ZNF808: variants seen among roughly 807,000 people sequenced by gnomAD.
The protein encoded by ZNF808 is zinc finger protein 808.
ZNF808 carries 5 observed loss-of-function variants against 8.7 expected under a neutral mutation model. That is an observed-to-expected ratio of 0.58 (90% CI 0.30 to 1.21). The LOEUF (loss-of-function observed/expected upper bound fraction) is 1.21, where lower values mean the gene tolerates loss of function less well. ZNF808 is among the 50% of genes most tolerant of loss of function. The pLI is 0.07. For missense variants in ZNF808, 1,103 were observed against 1,098.4 expected (o/e 1.00, Z -0.06); for synonymous variants, 380 against 366.0 (o/e 1.04, Z -0.44).
rs2059797924 is a variant in ZNF808, at chr19:52,553,415, C to G, written c.499C>G (p.Leu167Val). The G allele has an allele frequency of 6.2e-7, 1 of 1,614,060 alleles. No homozygotes were observed. The highest frequency in any genetic ancestry group is 1.3e-5 in the African/African-American group (1 of 74,934). ...GSSFYSHLPE[L>V]HIFQIKGEIA... ...AAGCTTTTATTCACATCTGCCTGAA[C>G]TCCACATATTTCAGATCAAAGGTGA... Residue 167 changes from leucine (L) to valine (V), a missense_variant, in exon 5 of 5, where the codon CTC becomes GTC. Physicochemically the swap from Leu to Val is conservative, Grantham distance 32. Coordinates refer to ENST00000359798, the MANE Select transcript of ZNF808 (RefSeq NM_001039886.4).
chr19:52,552,509 T>C (rs2059787446), intron 4 of ZNF808, among the ~76,000 whole-genome samples: 1 of 151,900 alleles, frequency 6.6e-6, no homozygotes. Flanking sequence ...GCCTCCCGTG[T>C]TGAAGTGATT....
At chr19:52,537,648 A>C (rs994764091) in intron 2 of ZNF808, among the ~76,000 whole-genome samples, 13 of 151,348 alleles carry the variant, frequency 8.6e-5, no homozygotes, top group Non-Finnish European at 1.6e-4. Flanking sequence ...AGATCATGCC[A>C]CTGTACTCCA....
intron 2 of ZNF808, among the ~76,000 whole-genome samples, chr19:52,535,159 A>T (rs915734197): frequency 3.3e-5 from 5 of 151,248 alleles, no homozygotes; most frequent in Non-Finnish European, 5.9e-5. Flanking sequence ...GTGAAACCCC[A>T]TCTCTACTAA....
At chr19:52,565,613 CT>C (rs1218852437), downstream of ZNF808, among the ~76,000 whole-genome samples, 4 of 152,170 alleles carry the variant, frequency 2.6e-5, no homozygotes, top group African/African-American at 9.7e-5. Context: ...ACTACTTCCC[CT>C]GACCTATTTT....
At chr19:52,531,981 T>C (rs1412405887) in intron 1 of ZNF808, among the ~76,000 whole-genome samples, 1 of 152,190 alleles carries the variant, frequency 6.6e-6, no homozygotes, top group Non-Finnish European at 1.5e-5. Flanking sequence ...AAGTAGAAGT[T>C]GTGGCTTTTT....
intron 2 of ZNF808, among the ~76,000 whole-genome samples, chr19:52,541,114 G>A (rs1267173218): frequency 6.6e-6 from 1 of 151,896 alleles, no homozygotes; most frequent in East Asian, 1.9e-4. Flanking sequence ...ACCACGCCTG[G>A]CTAATTTGTG....
chr19:52,555,434 A>G lies in ZNF808; in HGVS notation c.2518A>G (p.Ile840Val). 1.2e-6 allele frequency: 2 copies of G among 1,613,928 alleles called. No homozygotes were observed. The highest frequency in any genetic ancestry group is 1.7e-6 in the Non-Finnish European group (2 of 1,179,908). The change falls in exon 5 of 5, where the codon ATT becomes GTT. Residue 840 changes from isoleucine (I) to valine (V), a missense_variant. Coordinates refer to ENST00000359798, the MANE Select transcript of ZNF808 (RefSeq NM_001039886.4). The stretch of plus-strand genomic sequence containing the variant: ...ATCACACCTTTCACGTCATCATAGA[A>G]TTCATACTGGAGAGAAACCTTACAA... The part of the protein sequence containing the change: ...EQSHLSRHHR[I>V]HTGEKPYKCE...
In ZNF808 at chr19:52,543,327, T is replaced by G; in HGVS notation, c.43T>G (p.Ser15Ala). Residue 15 changes from serine (S) to alanine (A), a missense_variant, in exon 3 of 5, where the codon TCA becomes GCA. By Grantham distance (99) the Ser-to-Ala change is moderately conservative (BLOSUM62 1). Coordinates refer to ENST00000359798, the MANE Select transcript of ZNF808 (RefSeq NM_001039886.4). ...AGCTCAGAAGAGGAAAGGAAAGGAG[T>G]CAGGCATGGCTCTTCCTCAGGTGAA... ...EAAQKRKGKESGMALPQGRLT... is the reference protein window; with the variant it reads ...EAAQKRKGKEAGMALPQGRLT... 1.9e-6 allele frequency: 3 copies of G among 1,612,946 alleles called. No homozygotes were observed. Among genetic ancestry groups the G allele is most frequent in the Non-Finnish European group, 2.5e-6 (3 of 1,179,670 alleles).
Position 52,555,576 on chromosome 19 carries a change from G to T in ZNF808, c.2660G>T (p.Arg887Leu). 6.2e-7 allele frequency: 1 copy of T among 1,611,450 alleles called. No homozygotes were observed. The highest frequency in any genetic ancestry group is 8.5e-7 in the Non-Finnish European group (1 of 1,178,988). The change falls in exon 5 of 5, where the codon CGG (arginine) becomes CTG (leucine). Residue 887 changes from arginine to leucine, a missense_variant. Coordinates refer to ENST00000359798, the MANE Select transcript of ZNF808 (RefSeq NM_001039886.4). ...CNECGKAFSD[R>L]STLIHHQAIH... ...GAGTGTGGCAAAGCCTTTAGTGACC[G>T]GTCAACACTTATTCACCATCAGGCA...
At chr19:52,530,748 A>G (rs1035959349) in intron 1 of ZNF808, among the ~76,000 whole-genome samples, 3 of 152,058 alleles carry the variant, frequency 2.0e-5, no homozygotes, top group African/African-American at 7.2e-5. Flanking sequence ...CTTTGGGAGC[A>G]AATCACTGAA....
At chr19:52,531,190 C>T (rs1173427084) in intron 1 of ZNF808, among the ~76,000 whole-genome samples, 1 of 152,084 alleles carries the variant, frequency 6.6e-6, no homozygotes, top group Non-Finnish European at 1.5e-5. Context: ...AGCAGTAGTC[C>T]TGGCCATGTT....
rs61332986 is a variant in ZNF808 at position 52,545,180 on chromosome 19, T to G, written c.63+1833T>G. 6.9e-3 allele frequency among the ~76,000 whole-genome samples: 1,054 copies of G among 152,306 alleles called. 17 individuals carry two copies. Among genetic ancestry groups the G allele is most frequent in the African/African-American group, 0.024 (1,008 of 41,564 alleles). On this transcript the variant is annotated intron_variant, in intron 3 of 4. Transcript: ENST00000359798. Reference sequence around the variant, plus strand: ...TTACATCATTGATTTTATTTTATTTTTAAATTTGTTTTGAGTTGAGTCTCT... The same window carrying G: ...TTACATCATTGATTTTATTTTATTTGTAAATTTGTTTTGAGTTGAGTCTCT...
rs1237053859 is a variant in ZNF808, at chr19:52,538,546, T to C, written c.-19-4720T>C. ...AGGAGGCCGAGGCAGGAGAATCACT[T>C]GAACCCAGGAGGCAGAGGTTGTGGT... On this transcript the variant is annotated intron_variant, in intron 2 of 4. Coordinates refer to ENST00000359798, the MANE Select transcript of ZNF808 (RefSeq NM_001039886.4). Among the ~76,000 whole-genome samples the C allele has an allele frequency of 3.3e-5, 5 of 149,774 alleles. No individual in the cohort carries two copies. The Admixed American group carries it at 3.4e-4, about 10-fold the overall frequency.
At chr19:52,564,138 T>C in exon 4 of ZNF808, 1 of 699,712 alleles carries the variant, frequency 1.4e-6, no homozygotes. Flanking sequence ...AGTAAAATCG[T>C]CCGATTTCCC....
downstream of ZNF808, chr19:52,564,505 C>G (rs960389591): frequency 1.0e-5 from 2 of 196,250 alleles, no homozygotes; most frequent in African/African-American, 4.8e-5. Flanking sequence ...AGACTCCACT[C>G]GGTTCAGTGG....
At chr19:52,550,749 A>G (rs1029699326) in intron 4 of ZNF808, among the ~76,000 whole-genome samples, 1 of 152,106 alleles carries the variant, frequency 6.6e-6, no homozygotes, top group African/African-American at 2.4e-5. Flanking sequence ...TTGAACTCCC[A>G]ACCTCAGGTG....
At chr19:52,544,415 C>T (rs948500232) in intron 3 of ZNF808, among the ~76,000 whole-genome samples, 2 of 151,926 alleles carry the variant, frequency 1.3e-5, no homozygotes, top group African/African-American at 4.8e-5. Context: ...TCTGCAACCT[C>T]CCCCTCCCAG....
chr19:52,552,969 C>G, intron 4 of ZNF808, 138 bp from the exon 5 acceptor site: 1 of 1,281,216 alleles, frequency 7.8e-7, no homozygotes, highest in Non-Finnish European at 1.0e-6. Flanking sequence ...GAATCTCACT[C>G]TTTTTGTGTT....
At chr19:52,561,210 CTCTATATATATATA>C (rs1326426540), downstream of ZNF808, among the ~76,000 whole-genome samples, 8 of 29,526 alleles carry the variant, frequency 2.7e-4, no homozygotes, top group South Asian at 1.5e-3. Flanking sequence ...CTCTCTCTCT[CTCTATATATATATA>C]TATATATATA....
Sources: gnomAD v4.1 joint callset for allele counts (sites outside exome capture counted in the v4.1 genomes callset) on GRCh38, gnomAD v4.1.1 for gene constraint, MANE v1.5 for transcripts, NCBI Gene and HGNC (gene_info 2026-07-23, HGNC 2026-07-21) for gene names.